Variants in SF3B3 observed in about 807,000 individuals in gnomAD.
SF3B3 encodes the protein SAP 130.
SF3B3 carries 33 observed loss-of-function variants against 139.2 expected under a neutral mutation model. That is an observed-to-expected ratio of 0.24 (90% CI 0.18 to 0.32). SF3B3 has a LOEUF of 0.32. Among genes scored for constraint, SF3B3 ranks in the 10% least tolerant of loss-of-function variants. The pLI is 1.00. For synonymous variants in SF3B3, 596 were observed against 563.6 expected, an observed-to-expected ratio of 1.06 and a Z score of -0.81; for missense variants, 818 against 1,509.4, an observed-to-expected ratio of 0.54 and a Z score of 7.59.
intron 8 of SF3B3, among the ~76,000 whole-genome samples, chr16:70,540,097 A>G (rs2050205406): frequency 1.3e-5 from 2 of 148,510 alleles, no homozygotes. Context: ...TTCAATAAGT[A>G]TTTATTTGAT....
chr16:70,576,440 C>G lies in SF3B3; in HGVS notation c.*4627C>G, dbSNP rs1038334175. 2 of 152,138 alleles carry G rather than the reference C, an allele frequency of 1.3e-5. No homozygotes were observed. Among genetic ancestry groups the G allele is most frequent in the East Asian group, 1.9e-4 (1 of 5,184 alleles). 9.4% of individuals were successfully genotyped at this position (152,138 alleles called of 1,614,324 possible). A position where few individuals can be genotyped will look rare whatever the true frequency, so the allele number is the denominator to read the frequency against. On this transcript the variant is annotated 3_prime_UTR_variant, in exon 26 of 26. Coordinates refer to ENST00000302516, the MANE Select transcript of SF3B3 (RefSeq NM_012426.5). ...AGGTCCACTCAGCAGAACTTGCTCCCTTCTCTGACTGCAGTCTCATAATGA... is the reference window on the plus strand; with the variant it reads ...AGGTCCACTCAGCAGAACTTGCTCCGTTCTCTGACTGCAGTCTCATAATGA...
At chr16:70,547,616 C>T (rs565173808) in intron 10 of SF3B3, among the ~76,000 whole-genome samples, 4 of 151,934 alleles carry the variant, frequency 2.6e-5, no homozygotes, top group Non-Finnish European at 5.9e-5. Flanking sequence ...TTTTTGGAGA[C>T]GGAGTCTCGC....
chr16:70,560,496 G>T lies in SF3B3; in HGVS notation c.2038G>T (p.Asp680Tyr). The change falls in exon 16 of 26, where the codon GAC becomes TAC. Residue 680 changes from aspartate to tyrosine, a missense_variant. Around this residue, in one of 14 missense-constraint regions of SF3B3, gnomAD observed 170 missense variants for 353.0 expected, o/e 0.48. Coordinates refer to ENST00000302516, the MANE Select transcript of SF3B3 (RefSeq NM_012426.5). ...CGGTGTGCTGCTGAGGACTGTCTTG[G>T]ACCCTGTCACTGGGGATTTGTCTGA... ...QNGVLLRTVLDPVTGDLSDTR... is the reference protein window; with the variant it reads ...QNGVLLRTVLYPVTGDLSDTR... The T allele has an allele frequency of 6.2e-7, 1 of 1,613,874 alleles. No homozygotes were observed. The highest frequency in any genetic ancestry group is 8.5e-7 in the Non-Finnish European group (1 of 1,179,834).
chr16:70,536,762 GGT>G (rs1490882535), intron 6 of SF3B3, among the ~76,000 whole-genome samples: 2 of 151,610 alleles, frequency 1.3e-5, no homozygotes, highest in African/African-American at 4.8e-5. Flanking sequence ...AAGGTGCTGG[GGT>G]TACAGGCATG....
chr16:70,556,072 A>G (rs989028353), intron 13 of SF3B3, 107 bp from the exon 14 acceptor site: 7 of 1,141,580 alleles, frequency 6.1e-6, no homozygotes, highest in Non-Finnish European at 8.9e-6. Context: ...GCAGAACAAA[A>G]TACAACAGCC....
In SF3B3 at chr16:70,555,175, G is replaced by C. The variant is rs769021309; in HGVS notation, c.1679G>C (p.Gly560Ala). The C allele has an allele frequency of 1.9e-6, 3 of 1,614,168 alleles. No individual in the cohort carries two copies. Among genetic ancestry groups the C allele is most frequent in the Non-Finnish European group, 2.5e-6 (3 of 1,180,004 alleles). Reference sequence around the variant, plus strand: ...CGACAAGTGGTGATTGCCCTGACAGGAGGAGAGCTGGTCTATTTCGAGATG... The same window carrying C: ...CGACAAGTGGTGATTGCCCTGACAGCAGGAGAGCTGGTCTATTTCGAGATG... ...NQRQVVIALT[G>A]GELVYFEMDP... is the part of the protein sequence containing the mutation. The change falls in exon 13 of 26, where the codon GGA becomes GCA. Residue 560 changes from glycine to alanine, a missense_variant. Around this residue, in one of 14 missense-constraint regions of SF3B3, gnomAD observed 170 missense variants for 353.0 expected, o/e 0.48. Coordinates refer to ENST00000302516, the MANE Select transcript of SF3B3 (RefSeq NM_012426.5).
intron 18 of SF3B3, among the ~76,000 whole-genome samples, chr16:70,564,667 C>T (rs1463372670): frequency 1.3e-5 from 2 of 152,168 alleles, no homozygotes; most frequent in Non-Finnish European, 2.9e-5. Context: ...CTAGCAGAAA[C>T]CAAATAGCTA....
At chr16:70,536,953 G>A (rs2050174607) in intron 6 of SF3B3, among the ~76,000 whole-genome samples, 1 of 151,886 alleles carries the variant, frequency 6.6e-6, no homozygotes, top group South Asian at 2.1e-4. Context: ...TGGGACTACA[G>A]GCACCTGTTA....
chr16:70,536,871 C>T lies in SF3B3; in HGVS notation c.825+1451C>T, dbSNP rs191957343. Among the ~76,000 whole-genome samples, 7 of 145,048 alleles carry T rather than the reference C, an allele frequency of 4.8e-5. No homozygotes were observed. The East Asian group carries it at 6.3e-4, about 13-fold the overall frequency. ...TGTTGCCCAGGCTGGAGTGCAGTGG[C>T]GCAATCTTGGCTCACTGCATCCTTG... is the stretch of plus-strand genomic sequence containing the variant. On this transcript the variant is annotated intron_variant, in intron 6 of 25. Transcript: ENST00000302516.
chr16:70,548,766 G>T (rs1002297526), intron 11 of SF3B3, among the ~76,000 whole-genome samples: 3 of 152,188 alleles, frequency 2.0e-5, no homozygotes, highest in African/African-American at 7.2e-5. Flanking sequence ...TATGATATGA[G>T]GGAAAGTTGT....
intron 20 of SF3B3, among the ~76,000 whole-genome samples, chr16:70,567,130 G>C (rs1048350461): frequency 6.6e-6 from 1 of 151,960 alleles, no homozygotes; most frequent in Non-Finnish European, 1.5e-5. Context: ...GGCTACTAAG[G>C]CTTCACTGTT....
At chr16:70,541,077 C>T (rs2050215275) in intron 8 of SF3B3, among the ~76,000 whole-genome samples, 1 of 152,218 alleles carries the variant, frequency 6.6e-6, no homozygotes, top group African/African-American at 2.4e-5. Context: ...TATGAGGGTT[C>T]CAGTTTCTCC....
intron 8 of SF3B3, among the ~76,000 whole-genome samples, chr16:70,539,737 A>G (rs1324916698): frequency 6.6e-6 from 1 of 151,644 alleles, no homozygotes; most frequent in Non-Finnish European, 1.5e-5. Flanking sequence ...TTTAGATTTG[A>G]TGTCTCTTCT....
intron 11 of SF3B3, chr16:70,548,660 GTTA>G: frequency 1.9e-6 from 1 of 539,784 alleles, no homozygotes. Flanking sequence ...TAGGTTGGCT[GTTA>G]TATTTTAGTA....
chr16:70,526,514 C>A (rs1163147477), intron 1 of SF3B3, 73 bp from the exon 2 acceptor site: 3 of 613,470 alleles, frequency 4.9e-6, no homozygotes, highest in Non-Finnish European at 8.6e-6. Context: ...TGTCTTCATC[C>A]AGAATTTCCC....
At chr16:70,554,068 G>A (rs992884134) in intron 11 of SF3B3, 4 of 160,504 alleles carry the variant, frequency 2.5e-5, no homozygotes, top group African/African-American at 9.6e-5. Context: ...GTTAGAAGGA[G>A]TATCTCTTCT....
chr16:70,568,205 A>G (rs557531484), intron 21 of SF3B3, 78 bp from the exon 22 acceptor site: 3 of 1,099,748 alleles, frequency 2.7e-6, no homozygotes, highest in South Asian at 2.6e-5. Context: ...TACGTATGTC[A>G]TACGGAAAGC....
chr16:70,540,683 T>G (rs2050211403), intron 8 of SF3B3, among the ~76,000 whole-genome samples: 1 of 152,162 alleles, frequency 6.6e-6, no homozygotes, highest in Non-Finnish European at 1.5e-5. Context: ...TATTTGTCCC[T>G]TTGTGTCTAG....
At chr16:70,525,094 A>T (rs1035546583) in intron 1 of SF3B3, 1 of 151,786 alleles carries the variant, frequency 6.6e-6, no homozygotes, top group African/African-American at 2.4e-5. Flanking sequence ...CAGCGGCTTG[A>T]TCTCGGCTTA....
Sources: allele counts gnomAD v4.1 joint callset (sites outside exome capture counted in the v4.1 genomes callset), GRCh38; gene constraint gnomAD v4.1.1; regional missense constraint gnomAD v4.1.1; transcripts MANE v1.5; gene names NCBI Gene and HGNC (gene_info 2026-07-23, HGNC 2026-07-21).